RANBP2: variants seen among roughly 807,000 people sequenced by gnomAD.
RANBP2 encodes the protein RAN binding protein 2.
A neutral mutation model predicts 303.6 loss-of-function variants in RANBP2; 57 were observed. The observed-to-expected ratio is 0.19, with a 90% CI of 0.15 to 0.23. The LOEUF (loss-of-function observed/expected upper bound fraction) is 0.23, where lower values mean the gene tolerates loss of function less well. Ranked by LOEUF, RANBP2 falls within the 10% of genes least tolerant of loss-of-function variation. The pLI is 1.00. For synonymous variants in RANBP2, 1,167 were observed against 1,301.5 expected, an observed-to-expected ratio of 0.90 and a Z score of 2.23; for missense variants, 3,138 against 3,780.8, an observed-to-expected ratio of 0.83 and a Z score of 4.46.
the RANBP2 span, among the ~76,000 whole-genome samples, chr2:109,392,501 G>C: frequency 6.6e-6 from 1 of 152,100 alleles, no homozygotes; most frequent in African/African-American, 2.4e-5. Context: ...TGGTCACCAG[G>C]CCCCTTGCTT....
At chr2:108,752,861 G>A (rs1315458277) in intron 12 of RANBP2, 137 bp from the exon 13 acceptor site, 44 of 1,552,012 alleles carry the variant, frequency 2.8e-5, no homozygotes, top group Non-Finnish European at 3.6e-5. Context: ...ACAGTATTTG[G>A]AAGTTGAACA....
the RANBP2 span, among the ~76,000 whole-genome samples, chr2:109,389,838 A>C: frequency 6.6e-6 from 1 of 152,026 alleles, no homozygotes; most frequent in Non-Finnish European, 1.5e-5. Flanking sequence ...GTGCACTGTC[A>C]GAGAACAGGT....
the RANBP2 span, among the ~76,000 whole-genome samples, chr2:108,859,640 A>G: frequency 1.3e-5 from 2 of 152,118 alleles, no homozygotes; most frequent in South Asian, 2.1e-4. Flanking sequence ...CAGTTTCTCT[A>G]TTCTGTTCCA....
chr2:109,078,267 C>CATAT, the RANBP2 span, among the ~76,000 whole-genome samples: 2 of 17,568 alleles, frequency 1.1e-4, 1 homozygote, highest in African/African-American at 6.6e-4. Flanking sequence ...ATATATAGCG[C>CATAT]GTATATATAT....
At chr2:109,540,230 G>A in the RANBP2 span, among the ~76,000 whole-genome samples, 1 of 152,104 alleles carries the variant, frequency 6.6e-6, no homozygotes, top group African/African-American at 2.4e-5. Context: ...ACATGTGCTC[G>A]AGGCATTCCC....
chr2:108,723,721 T>C (rs995997218), intron 1 of RANBP2, among the ~76,000 whole-genome samples: 33 of 152,368 alleles, frequency 2.2e-4, no homozygotes, highest in Middle Eastern at 6.8e-3. Context: ...GTAAATATTT[T>C]TGCATTTGAA....
At chr2:109,350,533 C>T in the RANBP2 span, among the ~76,000 whole-genome samples, 45 of 152,336 alleles carry the variant, frequency 3.0e-4, no homozygotes, top group East Asian at 4.4e-3. Flanking sequence ...AGGGCGAGGT[C>T]GGGCAGAGAT....
At chr2:109,059,864 T>G in the RANBP2 span, among the ~76,000 whole-genome samples, 5 of 152,096 alleles carry the variant, frequency 3.3e-5, no homozygotes, top group African/African-American at 1.2e-4. Context: ...AGAGCCACTG[T>G]GCCCAGGAGG....
At chr2:109,398,693 G>A in the RANBP2 span, 1 of 1,611,352 alleles carries the variant, frequency 6.2e-7, no homozygotes, top group Admixed American at 1.7e-5. Context: ...GCTGTGGCCA[G>A]CGTGGCCCCA....
chr2:109,530,235 C>T, the RANBP2 span, among the ~76,000 whole-genome samples: 3 of 152,254 alleles, frequency 2.0e-5, no homozygotes, highest in South Asian at 4.1e-4. Context: ...CCCAGGGAGG[C>T]GAGCTGAGCC....
intron 1 of RANBP2, among the ~76,000 whole-genome samples, chr2:108,727,692 C>T (rs1694841378): frequency 6.6e-6 from 1 of 150,882 alleles, no homozygotes; most frequent in Non-Finnish European, 1.5e-5. Flanking sequence ...CAGCCTCTGC[C>T]TCCCGGATTC....
At chr2:108,850,875 T>A in the RANBP2 span, among the ~76,000 whole-genome samples, 1 of 151,460 alleles carries the variant, frequency 6.6e-6, no homozygotes, top group Admixed American at 6.6e-5. Context: ...TGTGTGGAGG[T>A]TTTTCCCCAC....
chr2:108,768,225 A>G lies in RANBP2; in HGVS notation c.7686A>G (p.Ser2562=), dbSNP rs1195277515. Residue 2562 remains serine, a synonymous_variant, in exon 20 of 29, where the codon TCA becomes TCG. Coordinates refer to ENST00000283195, the MANE Select transcript of RANBP2 (RefSeq NM_006267.5). ...AAAGTAACAATAGTGAAACTAGTTC[A>G]GTAGCCCAGAGTGGATCTGAAAGCA... The part of the protein sequence containing the change: ...PLKSNNSETS[S]VAQSGSESKV... 2 of 1,612,052 alleles carry G rather than the reference A, an allele frequency of 1.2e-6. No individual in the cohort carries two copies. The highest frequency in any genetic ancestry group is 2.2e-5 in the East Asian group (1 of 44,882).
At chr2:109,316,237 G>C in the RANBP2 span, among the ~76,000 whole-genome samples, 1 of 152,214 alleles carries the variant, frequency 6.6e-6, no homozygotes, top group African/African-American at 2.4e-5. Flanking sequence ...TCTCGCAGCA[G>C]ATCTGCACAG....
At chr2:109,667,472 G>A in the RANBP2 span, among the ~76,000 whole-genome samples, 2 of 152,156 alleles carry the variant, frequency 1.3e-5, no homozygotes, top group African/African-American at 4.8e-5. Context: ...TTGCTTGGCC[G>A]TGTTCTGCCC....
chr2:108,806,597 A>G, the RANBP2 span, among the ~76,000 whole-genome samples: 2 of 152,156 alleles, frequency 1.3e-5, no homozygotes, highest in African/African-American at 4.8e-5. Flanking sequence ...CAGCTCTGCC[A>G]TCGTAATGCG....
chr2:109,380,490 T>C, the RANBP2 span, among the ~76,000 whole-genome samples: 1 of 152,312 alleles, frequency 6.6e-6, no homozygotes, highest in Middle Eastern at 3.4e-3. Flanking sequence ...CCACTGACCA[T>C]CTCTAAATGG....
chr2:108,860,391 G>C, the RANBP2 span, among the ~76,000 whole-genome samples: 1 of 151,960 alleles, frequency 6.6e-6, no homozygotes. Flanking sequence ...TGGTGAAAGT[G>C]GACATACCTG....
chr2:108,776,120 A>T lies in RANBP2; in HGVS notation c.8497+184A>T, dbSNP rs954739459. Among the ~76,000 whole-genome samples, 9 of 152,290 alleles carry T rather than the reference A, an allele frequency of 5.9e-5. 1 individual carries two copies. In the South Asian group the frequency reaches 1.2e-3, roughly 21 times the overall value. On this transcript the variant is annotated intron_variant, in intron 24 of 28. Coordinates refer to ENST00000283195, the MANE Select transcript of RANBP2 (RefSeq NM_006267.5). ...TATACTGTGTTGCCAACAAATAAAC[A>T]TGTTTTTATTGATAGAGTTGTGGTT...
Sources: allele counts gnomAD v4.1 joint callset (sites outside exome capture counted in the v4.1 genomes callset), GRCh38; gene constraint gnomAD v4.1.1; transcripts MANE v1.5; gene names NCBI Gene and HGNC (gene_info 2026-07-23, HGNC 2026-07-21).